PLXNA4: variants seen among roughly 807,000 people sequenced by gnomAD.
PLXNA4 encodes plexin-A4.
A neutral mutation model predicts 191.8 loss-of-function variants in PLXNA4; 44 were observed. That is an observed-to-expected ratio of 0.23 (90% CI 0.18 to 0.29). PLXNA4 has a LOEUF of 0.29. Ranked by LOEUF, PLXNA4 falls within the 10% of genes least tolerant of loss-of-function variation. The pLI is 1.00. For missense variants in PLXNA4, 1,800 were observed against 2,488.8 expected, an observed-to-expected ratio of 0.72 and a Z score of 5.89; for synonymous variants, 1,082 against 1,009.5, an observed-to-expected ratio of 1.07 and a Z score of -1.36.
At chr7:132,328,546 G>A (rs564957889) in intron 3 of PLXNA4, among the ~76,000 whole-genome samples, 2 of 152,346 alleles carry the variant, frequency 1.3e-5, no homozygotes, top group South Asian at 4.1e-4. Flanking sequence ...GAGGGCCTGG[G>A]CTGTTGACTC....
intron 25 of PLXNA4, among the ~76,000 whole-genome samples, chr7:132,152,958 C>A (rs1370159323): frequency 6.6e-6 from 1 of 152,216 alleles, no homozygotes; most frequent in Non-Finnish European, 1.5e-5. Context: ...GAACACTTGC[C>A]ATGTGCCCCC....
At chr7:132,198,975 C>A (rs1258799399) in intron 12 of PLXNA4, among the ~76,000 whole-genome samples, 1 of 152,146 alleles carries the variant, frequency 6.6e-6, no homozygotes, top group African/African-American at 2.4e-5. Context: ...TGTGTTGGTT[C>A]TACTCTCAAG....
intron 3 of PLXNA4, among the ~76,000 whole-genome samples, chr7:132,342,573 C>A (rs1471103638): frequency 6.6e-6 from 1 of 152,102 alleles, no homozygotes; most frequent in South Asian, 2.1e-4. Flanking sequence ...GGCCAGCAAT[C>A]CTCTGACCAC....
chr7:132,497,649 C>T (rs1391955272), intron 2 of PLXNA4, among the ~76,000 whole-genome samples: 7 of 152,170 alleles, frequency 4.6e-5, no homozygotes, highest in Admixed American at 6.5e-5. Context: ...TTTTATGACT[C>T]CTAGCCCTCC....
chr7:132,185,576 G>A, intron 15 of PLXNA4, 113 bp from the exon 16 acceptor site: 5 of 1,433,122 alleles, frequency 3.5e-6, no homozygotes, highest in Non-Finnish European at 4.6e-6. Context: ...GAGGCCATGG[G>A]TGGGTGCTCT....
At chr7:132,375,996 A>G (rs1804642775) in intron 3 of PLXNA4, among the ~76,000 whole-genome samples, 1 of 152,180 alleles carries the variant, frequency 6.6e-6, no homozygotes, top group Non-Finnish European at 1.5e-5. Flanking sequence ...TTGAGTCCCA[A>G]CGCCACTGGC....
At chr7:132,575,400 CTCCG>C (rs1802180984) in intron 1 of PLXNA4, among the ~76,000 whole-genome samples, 1 of 152,208 alleles carries the variant, frequency 6.6e-6, no homozygotes, top group African/African-American at 2.4e-5. Context: ...GCCTTGCCTT[CTCCG>C]GTGGGCAGTG....
At chr7:132,222,529 C>A (rs971496530) in intron 9 of PLXNA4, among the ~76,000 whole-genome samples, 1 of 152,044 alleles carries the variant, frequency 6.6e-6, no homozygotes, top group African/African-American at 2.4e-5. Flanking sequence ...CCTTCTCTCA[C>A]AGCTGTGGGG....
chr7:132,562,301 T>C (rs1216388130), intron 1 of PLXNA4, among the ~76,000 whole-genome samples: 156 of 75,014 alleles, frequency 2.1e-3, no homozygotes, highest in Non-Finnish European at 2.3e-3. Context: ...TTCTCCTCCT[T>C]CTCCTCTTCC....
At chr7:132,258,823 G>A (rs933003235) in intron 4 of PLXNA4, among the ~76,000 whole-genome samples, 1 of 152,178 alleles carries the variant, frequency 6.6e-6, no homozygotes, top group Non-Finnish European at 1.5e-5. Context: ...AAACTTAGTT[G>A]CCTAATCCAA....
chr7:132,222,225 C>T (rs879380844), intron 9 of PLXNA4, among the ~76,000 whole-genome samples: 10 of 152,202 alleles, frequency 6.6e-5, no homozygotes, highest in Middle Eastern at 3.2e-3. Flanking sequence ...TCGGGCAAAA[C>T]GGGATTTGGG....
chr7:132,202,200 G>A (rs1017715915), intron 12 of PLXNA4, among the ~76,000 whole-genome samples: 1 of 152,138 alleles, frequency 6.6e-6, no homozygotes, highest in Non-Finnish European at 1.5e-5. Flanking sequence ...TGCTTTGGGG[G>A]AGTTCAAAGA....
At chr7:132,581,272 G>A (rs919286996), upstream of PLXNA4, among the ~76,000 whole-genome samples, 1 of 152,230 alleles carries the variant, frequency 6.6e-6, no homozygotes, top group Non-Finnish European at 1.5e-5. Flanking sequence ...GAACATCCTT[G>A]TGTCACCACA....
intron 3 of PLXNA4, among the ~76,000 whole-genome samples, chr7:132,345,576 T>C (rs1245571677): frequency 6.6e-6 from 1 of 152,210 alleles, no homozygotes; most frequent in Non-Finnish European, 1.5e-5. Flanking sequence ...GGTCAGGTCA[T>C]TCGGTTGCTC....
rs113436533 is a variant in PLXNA4, at chr7:132,519,426, C to T, written c.-86-10647G>A. On this transcript the variant is annotated intron_variant, in intron 1 of 31. Transcript: ENST00000321063. ...AAAGGGAGACTTGCTGTCACGTCTG[C>T]TGCCCCAAGACCTGAGTGGACCTTG... Among the ~76,000 whole-genome samples the T allele has an allele frequency of 8.1e-3, 1,229 of 152,338 alleles. 20 individuals carry two copies. The highest frequency in any genetic ancestry group is 0.028 in the African/African-American group (1,172 of 41,576).
rs560320945 is a variant in PLXNA4, at chr7:132,354,890, G to A, written c.1372-56668C>T. Among the ~76,000 whole-genome samples, 5 of 152,190 alleles carry A rather than the reference G, an allele frequency of 3.3e-5. No individual in the cohort carries two copies. The South Asian group carries it at 6.2e-4, about 19-fold the overall frequency. On this transcript the variant is annotated intron_variant, in intron 3 of 31. Transcript: ENST00000321063. ...CAGCATGAGCATAAATGAGTCTAGTGGTTGTGGAACACAATTCGTAAAAGA... is the reference window on the plus strand; with the variant it reads ...CAGCATGAGCATAAATGAGTCTAGTAGTTGTGGAACACAATTCGTAAAAGA...
chr7:132,182,847 A>ACTGCTGAGAGGGAGGGCACAGGG (rs1276315301), intron 16 of PLXNA4, among the ~76,000 whole-genome samples: 2 of 152,134 alleles, frequency 1.3e-5, no homozygotes, highest in Admixed American at 1.3e-4. Flanking sequence ...AGGGCACAGG[A>ACTGCTGAGAGGGAGGGCACAGGG]CTGCTGACAG....
At chr7:132,594,911 GTAGATAGATAGA>G (rs71178042) in intron 2 of PLXNA4, among the ~76,000 whole-genome samples, 10,732 of 137,560 alleles carry the variant, frequency 0.078, 446 homozygotes, top group Middle Eastern at 0.098. Context: ...AGATAGATAG[GTAGATAGATAGA>G]TAGATAGATA....
intron 3 of PLXNA4, among the ~76,000 whole-genome samples, chr7:132,402,901 A>G (rs772884843): frequency 1.6e-4 from 25 of 152,200 alleles, no homozygotes; most frequent in Non-Finnish European, 2.8e-4. Context: ...TTGACCCCCA[A>G]TCCAGAGAGC....
Sources: gnomAD v4.1 joint callset for allele counts (sites outside exome capture counted in the v4.1 genomes callset) on GRCh38, gnomAD v4.1.1 for gene constraint, MANE v1.5 for transcripts, NCBI Gene and HGNC (gene_info 2026-07-23, HGNC 2026-07-21) for gene names.